NPHP1: variants seen among roughly 807,000 people sequenced by gnomAD.
NPHP1 encodes nephrocystin-1.
Under a neutral mutation model 90.4 loss-of-function variants are expected in NPHP1, and 70 were observed. That is an observed-to-expected ratio of 0.77 (90% CI 0.64 to 0.95). The LOEUF (loss-of-function observed/expected upper bound fraction) is 0.95, where lower values mean the gene tolerates loss of function less well. Ranked by LOEUF, NPHP1 falls within the 40% of genes least tolerant of loss-of-function variation. The probability of loss-of-function intolerance (pLI) is 0.00; values close to 1 mark genes in which losing one functional copy is unlikely to be tolerated. For synonymous variants in NPHP1, 256 were observed against 271.7 expected (o/e 0.94, Z 0.57); for missense variants, 764 against 795.9 (o/e 0.96, Z 0.48).
At chr2:110,190,569 C>T (rs566608175) in intron 2 of NPHP1, among the ~76,000 whole-genome samples, 1 of 152,316 alleles carries the variant, frequency 6.6e-6, no homozygotes, top group South Asian at 2.1e-4. Flanking sequence ...CCCACCCGCG[C>T]CTCTCCCTCC....
intron 2 of NPHP1, among the ~76,000 whole-genome samples, chr2:110,200,234 G>A (rs569926333): frequency 3.3e-5 from 5 of 150,674 alleles, no homozygotes; most frequent in South Asian, 2.1e-4. Flanking sequence ...CAGCCTGGGC[G>A]ACAGAGAGAG....
intron 1 of NPHP1, among the ~76,000 whole-genome samples, chr2:110,203,699 C>T (rs1685723957): frequency 6.6e-6 from 1 of 151,692 alleles, no homozygotes; most frequent in African/African-American, 2.4e-5. Context: ...GGTAATAGAT[C>T]ACATGAAAAA....
chr2:110,163,111 T>A lies in NPHP1; in HGVS notation c.796A>T (p.Thr266Ser). 6.2e-7 allele frequency: 1 copy of A among 1,613,104 alleles called. No homozygotes were observed. Among genetic ancestry groups the A allele is most frequent in the Non-Finnish European group, 8.5e-7 (1 of 1,179,034 alleles). ...CCTGCAGGAATAGCTCCCATCGTAG[T>A]TAACACATCAACAGTGTTTATCTGC... ...SEQINTVDVL[T>S]TMGAIPAGFR... Residue 266 changes from threonine to serine, a missense_variant, in exon 9 of 20, where the codon ACT becomes TCT. Coordinates refer to ENST00000445609, the MANE Select transcript of NPHP1 (RefSeq NM_001128178.3).
chr2:110,173,073 C>G (rs1009567769), intron 4 of NPHP1, among the ~76,000 whole-genome samples: 1 of 151,304 alleles, frequency 6.6e-6, no homozygotes, highest in African/African-American at 2.4e-5. Context: ...ATTCTCCTGC[C>G]TCCGACTCCC....
chr2:110,142,080 C>G (rs1349548287), intron 16 of NPHP1, among the ~76,000 whole-genome samples: 4 of 151,770 alleles, frequency 2.6e-5, no homozygotes, highest in African/African-American at 9.7e-5. Flanking sequence ...GTATTTATAC[C>G]CATGAGAGAT....
intron 1 of NPHP1, among the ~76,000 whole-genome samples, chr2:110,203,244 G>A: frequency 1.4e-5 from 2 of 142,842 alleles, no homozygotes; most frequent in South Asian, 4.2e-4. Context: ...ATGGACACTG[G>A]TGACTGCTGG....
rs1163184916 is a variant in NPHP1 at position 110,139,791 on chromosome 2, G to T, written c.1529+3751C>A. ...AAGGTGAAGTTTGTAAAGAAGGGAG[G>T]GTGAGGATAGAGGCGGGGCGTGCCT... is the stretch of plus-strand genomic sequence containing the variant. On this transcript the variant is annotated intron_variant, in intron 16 of 19. Transcript: ENST00000445609. Among the ~76,000 whole-genome samples, 3 of 152,178 alleles carry T rather than the reference G, an allele frequency of 2.0e-5. No homozygotes were observed. In the East Asian group the frequency reaches 5.8e-4, roughly 29 times the overall value.
At chr2:110,152,037 C>T (rs773254826) in intron 11 of NPHP1, among the ~76,000 whole-genome samples, 6 of 152,156 alleles carry the variant, frequency 3.9e-5, no homozygotes, top group African/African-American at 7.2e-5. Flanking sequence ...CAGAAAACTG[C>T]AGCCACAGAG....
intron 11 of NPHP1, among the ~76,000 whole-genome samples, chr2:110,155,728 C>G (rs1182994976): frequency 6.6e-6 from 1 of 152,160 alleles, no homozygotes; most frequent in Non-Finnish European, 1.5e-5. Context: ...TTTGGAATGG[C>G]TGCATTTACC....
intron 11 of NPHP1, among the ~76,000 whole-genome samples, chr2:110,159,696 T>C (rs750886346): frequency 1.1e-4 from 16 of 152,074 alleles, no homozygotes; most frequent in Non-Finnish European, 2.4e-4. Flanking sequence ...AGTCTCACTA[T>C]GCATCTTTCA....
chr2:110,182,753 A>G, intron 2 of NPHP1, among the ~76,000 whole-genome samples: 1 of 152,178 alleles, frequency 6.6e-6, no homozygotes, highest in East Asian at 1.9e-4. Flanking sequence ...CAAAATAACC[A>G]GCTAGAATAA....
At chr2:110,186,090 C>G (rs1264492209) in intron 2 of NPHP1, among the ~76,000 whole-genome samples, 1 of 152,206 alleles carries the variant, frequency 6.6e-6, no homozygotes, top group Non-Finnish European at 1.5e-5. Context: ...AGGGCCCCGC[C>G]TCTCCCTGCT....
chr2:110,171,578 C>T (rs974583010), intron 4 of NPHP1, among the ~76,000 whole-genome samples: 7 of 152,148 alleles, frequency 4.6e-5, no homozygotes, highest in Non-Finnish European at 1.0e-4. Flanking sequence ...CATAAAATGT[C>T]ATATTGATTT....
At chr2:110,195,660 G>A (rs552201545) in intron 2 of NPHP1, among the ~76,000 whole-genome samples, 97 of 152,054 alleles carry the variant, frequency 6.4e-4, no homozygotes, top group African/African-American at 2.2e-3. Context: ...ACTACTTTAA[G>A]TTCATATGGA....
Position 110,165,099 on chromosome 2 carries a change from A to G in NPHP1, c.681T>C (p.Asp227=). ...QESSEEGSEE[D]VEAVDETADG... is the part of the protein sequence containing the mutation. ...CTGCTGTTTCATCCACCGCCTCTAC[A>G]TCTTCTTCACTGCCCTCTTCACTTG... The change falls in exon 7 of 20, where the codon GAT becomes GAC. Residue 227 remains aspartate, a synonymous_variant. Coordinates refer to ENST00000445609, the MANE Select transcript of NPHP1 (RefSeq NM_001128178.3). The G allele has an allele frequency of 6.2e-7, 1 of 1,613,836 alleles. No homozygotes were observed. Among genetic ancestry groups the G allele is most frequent in the Non-Finnish European group, 8.5e-7 (1 of 1,179,842 alleles).
intron 19 of NPHP1, chr2:110,125,321 G>A (rs1679273802): frequency 1.3e-6 from 2 of 1,526,798 alleles, no homozygotes; most frequent in Non-Finnish European, 1.7e-6. Context: ...CAGGCTTTGA[G>A]AGCTAGAGAA....
At chr2:110,204,815 G>T in intron 1 of NPHP1, 85 bp downstream of exon 1, 1 of 1,395,742 alleles carries the variant, frequency 7.2e-7, no homozygotes, top group Non-Finnish European at 1.0e-6. Flanking sequence ...CCAGGATTAG[G>T]TGGGGTCACG....
In NPHP1 at chr2:110,164,658, G is replaced by T; in HGVS notation, c.771+30C>A. The T allele has an allele frequency of 6.2e-7, 1 of 1,613,904 alleles. No individual in the cohort carries two copies. Among genetic ancestry groups the T allele is most frequent in the Middle Eastern group, 1.6e-4 (1 of 6,062 alleles). ...TCAGAACTATTAGGTAGCAAAACGAGACATGATTAACAAGACAGAAGATGC... is the reference window on the plus strand; with the variant it reads ...TCAGAACTATTAGGTAGCAAAACGATACATGATTAACAAGACAGAAGATGC... On this transcript the variant is annotated intron_variant, in intron 8 of 19. Transcript: ENST00000445609.
At chr2:110,200,414 C>A (rs1055855129) in intron 2 of NPHP1, among the ~76,000 whole-genome samples, 1 of 150,964 alleles carries the variant, frequency 6.6e-6, no homozygotes, top group Non-Finnish European at 1.5e-5. Flanking sequence ...AATACAAAAT[C>A]CAGCCAGGTG....
Sources: gnomAD v4.1 joint callset for allele counts (sites outside exome capture counted in the v4.1 genomes callset) on GRCh38, gnomAD v4.1.1 for gene constraint, MANE v1.5 for transcripts, NCBI Gene and HGNC (gene_info 2026-07-23, HGNC 2026-07-21) for gene names.